Variants in RABGAP1L observed in about 807,000 individuals in gnomAD.
RABGAP1L encodes the protein rab GTPase-activating protein 1-like.
In RABGAP1L, 63 loss-of-function variants were observed where a neutral mutation model predicts 137.7. The ratio of observed to expected loss-of-function variants is 0.46; its 90% CI spans 0.37 to 0.56. The LOEUF (loss-of-function observed/expected upper bound fraction) is 0.56, where lower values mean the gene tolerates loss of function less well. Ranked by LOEUF, RABGAP1L falls within the 20% of genes least tolerant of loss-of-function variation. The pLI is 0.00. For synonymous variants in RABGAP1L, 431 were observed against 433.7 expected (o/e 0.99, Z 0.08); for missense variants, 1,095 against 1,244.0 (o/e 0.88, Z 1.80).
chr1:174,909,871 G>A (rs139186533), intron 19 of RABGAP1L, among the ~76,000 whole-genome samples: 108 of 152,276 alleles, frequency 7.1e-4, no homozygotes, highest in African/African-American at 2.4e-3. Context: ...CGGGTGTGGT[G>A]GCTCATGCCT....
At chr1:174,191,601 A>G (rs1237631449) in intron 1 of RABGAP1L, among the ~76,000 whole-genome samples, 26 of 152,212 alleles carry the variant, frequency 1.7e-4, no homozygotes, top group Admixed American at 1.7e-3. Context: ...AGGGGATCAT[A>G]TAGTAGCTGC....
chr1:174,331,584 A>G (rs1681037262), intron 11 of RABGAP1L, among the ~76,000 whole-genome samples: 1 of 152,234 alleles, frequency 6.6e-6, no homozygotes, highest in African/African-American at 2.4e-5. Context: ...ATAATGAGGT[A>G]TTGCCTTACT....
At chr1:174,237,138 C>T (rs939723886) in intron 4 of RABGAP1L, among the ~76,000 whole-genome samples, 6 of 151,732 alleles carry the variant, frequency 4.0e-5, no homozygotes, top group Non-Finnish European at 8.8e-5. Context: ...CTTCCTCCAT[C>T]CTTTTATTTT....
intron 11 of RABGAP1L, among the ~76,000 whole-genome samples, chr1:174,336,521 G>A (rs1481573209): frequency 1.3e-5 from 2 of 152,180 alleles, no homozygotes; most frequent in East Asian, 3.8e-4. Context: ...ATGTGTGGCA[G>A]GCACTGGTTA....
intron 13 of RABGAP1L, among the ~76,000 whole-genome samples, chr1:174,395,168 G>T (rs962682420): frequency 6.6e-6 from 1 of 151,934 alleles, no homozygotes; most frequent in Non-Finnish European, 1.5e-5. Context: ...GGTCCCACAT[G>T]GTTCAGGAGT....
intron 13 of RABGAP1L, among the ~76,000 whole-genome samples, chr1:174,615,529 A>C (rs1425609222): frequency 6.6e-6 from 1 of 152,210 alleles, no homozygotes; most frequent in African/African-American, 2.4e-5. Context: ...GTCAGGGGTC[A>C]GGGACCCAAT....
intron 17 of RABGAP1L, among the ~76,000 whole-genome samples, chr1:174,748,514 G>A (rs1399946115): frequency 6.6e-6 from 1 of 152,132 alleles, no homozygotes; most frequent in Non-Finnish European, 1.5e-5. Flanking sequence ...AGGAGGTCCT[G>A]AGAACATGTG....
intron 17 of RABGAP1L, among the ~76,000 whole-genome samples, chr1:174,737,235 G>A (rs924244380): frequency 7.9e-5 from 12 of 152,062 alleles, no homozygotes; most frequent in Non-Finnish European, 1.5e-4. Flanking sequence ...TTTGATTGTA[G>A]GTTGTTAGAA....
At chr1:174,500,166 G>A (rs1225996613) in intron 13 of RABGAP1L, among the ~76,000 whole-genome samples, 2 of 150,226 alleles carry the variant, frequency 1.3e-5, no homozygotes, top group Non-Finnish European at 3.0e-5. Flanking sequence ...TGCAACCTCC[G>A]CCTCCCGGGT....
chr1:174,668,097 G>A (rs750918910), intron 14 of RABGAP1L, among the ~76,000 whole-genome samples: 1 of 152,024 alleles, frequency 6.6e-6, no homozygotes, highest in Non-Finnish European at 1.5e-5. Context: ...GAATTACAAG[G>A]TAAACATCCA....
At chr1:174,387,463 G>T (rs1308477956) in intron 12 of RABGAP1L, among the ~76,000 whole-genome samples, 1 of 151,972 alleles carries the variant, frequency 6.6e-6, no homozygotes, top group African/African-American at 2.4e-5. Context: ...ATAATACAAT[G>T]AAGTCTCATG....
At chr1:174,338,646 G>A (rs1387554065) in intron 11 of RABGAP1L, among the ~76,000 whole-genome samples, 1 of 151,398 alleles carries the variant, frequency 6.6e-6, no homozygotes, top group African/African-American at 2.4e-5. Context: ...AAATTGTAAG[G>A]TATATAGTCT....
intron 19 of RABGAP1L, among the ~76,000 whole-genome samples, chr1:174,883,960 AAG>A (rs1185050574): frequency 2.6e-5 from 4 of 152,180 alleles, no homozygotes; most frequent in African/African-American, 4.8e-5. Flanking sequence ...ATAGTGTCAA[AAG>A]TCTTTGGGAA....
intron 13 of RABGAP1L, among the ~76,000 whole-genome samples, chr1:174,528,028 A>G (rs1455407113): frequency 6.8e-6 from 1 of 146,986 alleles, no homozygotes; most frequent in East Asian, 2.0e-4. Context: ...CTTTCATTCT[A>G]TATGTGTCTT....
intron 13 of RABGAP1L, among the ~76,000 whole-genome samples, chr1:174,569,643 T>G (rs1667838109): frequency 6.6e-6 from 1 of 152,184 alleles, no homozygotes; most frequent in Non-Finnish European, 1.5e-5. Context: ...GCCCAACAGT[T>G]TTTATAAGGA....
At chr1:174,429,720 CAA>C (rs1198169508) in intron 13 of RABGAP1L, among the ~76,000 whole-genome samples, 3 of 145,800 alleles carry the variant, frequency 2.1e-5, no homozygotes, top group Non-Finnish European at 4.5e-5. Flanking sequence ...GCCGGGGTGA[CAA>C]GAGCAAGACT....
intron 13 of RABGAP1L, among the ~76,000 whole-genome samples, chr1:174,473,144 C>G (rs1422924681): frequency 6.6e-6 from 1 of 152,116 alleles, no homozygotes; most frequent in Non-Finnish European, 1.5e-5. Flanking sequence ...CGTTTAAAGT[C>G]AGCCATGGAA....
At chr1:174,925,689 G>A (rs1410397060) in intron 19 of RABGAP1L, among the ~76,000 whole-genome samples, 1 of 151,758 alleles carries the variant, frequency 6.6e-6, no homozygotes, top group East Asian at 1.9e-4. Flanking sequence ...TTTTAAAAAC[G>A]GAATTTATAG....
chr1:174,706,900 T>C (rs61828063), intron 17 of RABGAP1L, among the ~76,000 whole-genome samples: 2,734 of 152,356 alleles, frequency 0.018, 43 homozygotes, highest in Middle Eastern at 0.051. Context: ...ATCCGTATCA[T>C]TGCATTTAGG....
Sources: gnomAD v4.1 joint callset for allele counts (sites outside exome capture counted in the v4.1 genomes callset) on GRCh38, gnomAD v4.1.1 for gene constraint, MANE v1.5 for transcripts, NCBI Gene and HGNC (gene_info 2026-07-23, HGNC 2026-07-21) for gene names.